CDK19: variants seen among roughly 807,000 people sequenced by gnomAD.
The protein encoded by CDK19 is cyclin-dependent kinase 19.
In CDK19, 20 loss-of-function variants were observed where a neutral mutation model predicts 68.3. The ratio of observed to expected loss-of-function variants is 0.29; its 90% confidence interval spans 0.21 to 0.43. CDK19 has a LOEUF of 0.43. Ranked by LOEUF, CDK19 falls within the 20% of genes least tolerant of loss-of-function variation. CDK19 has a pLI of 1.00. For missense variants in CDK19, 339 were observed against 623.5 expected (o/e 0.54, Z 4.86); for synonymous variants, 221 against 222.8 (o/e 0.99, Z 0.07).
At chr6:110,637,020 C>G (rs954404014) in intron 5 of CDK19, among the ~76,000 whole-genome samples, 3 of 152,230 alleles carry the variant, frequency 2.0e-5, no homozygotes, top group African/African-American at 7.2e-5. Context: ...TATCACTAGG[C>G]AGGGATGTTT....
chr6:110,614,876 A>G (rs1778212193), intron 12 of CDK19, among the ~76,000 whole-genome samples: 1 of 152,168 alleles, frequency 6.6e-6, no homozygotes, highest in Non-Finnish European at 1.5e-5. Flanking sequence ...GGCAGGCATG[A>G]AATTTGGCTA....
chr6:110,814,466 G>A (rs1783407652), intron 1 of CDK19: 1 of 369,694 alleles, frequency 2.7e-6, no homozygotes, highest in Non-Finnish European at 5.2e-6. Context: ...CCGAAGGGCG[G>A]AGATCGCTGC....
intron 2 of CDK19, among the ~76,000 whole-genome samples, chr6:110,737,797 A>G (rs890952677): frequency 2.6e-5 from 4 of 152,206 alleles, no homozygotes; most frequent in Non-Finnish European, 5.9e-5. Context: ...TGAGAAAAAT[A>G]TTAACTATCA....
At chr6:110,700,312 A>G (rs1397088757) in intron 2 of CDK19, among the ~76,000 whole-genome samples, 2 of 152,244 alleles carry the variant, frequency 1.3e-5, no homozygotes, top group African/African-American at 4.8e-5. Context: ...TAATAAATGT[A>G]ATGTGTTTGA....
intron 1 of CDK19, among the ~76,000 whole-genome samples, chr6:110,764,499 T>C (rs985206979): frequency 3.3e-5 from 5 of 151,978 alleles, no homozygotes; most frequent in Non-Finnish European, 7.4e-5. Flanking sequence ...GGAACAGCAA[T>C]GGAGAAAGAA....
At chr6:110,641,881 C>A (rs557802480) in intron 4 of CDK19, among the ~76,000 whole-genome samples, 63 of 152,230 alleles carry the variant, frequency 4.1e-4, no homozygotes, top group Middle Eastern at 3.4e-3. Flanking sequence ...TGGAACCCTA[C>A]AGGTAAGGAC....
chr6:110,614,453 C>T lies in CDK19; in HGVS notation c.*82G>A, dbSNP rs1283103742. ...GAGTTTTAAATGGCATCATAGTTTG[C>T]ATTTTTTTGGTTCTTTTCAATGCAG... is the stretch of plus-strand genomic sequence containing the variant. On this transcript the variant is annotated 3_prime_UTR_variant, in exon 13 of 13. Transcript: ENST00000368911. 6 of 1,406,766 alleles carry T rather than the reference C, an allele frequency of 4.3e-6. No homozygotes were observed. The highest frequency in any genetic ancestry group is 2.9e-5 in the African/African-American group (2 of 70,116). The allele number at this position is 1,406,766 out of a possible 1,614,324, so 87.1% of individuals were successfully genotyped here.
intron 8 of CDK19, 111 bp downstream of exon 8, chr6:110,626,665 T>G: frequency 1.5e-6 from 1 of 665,968 alleles, no homozygotes; most frequent in South Asian, 2.4e-5. Context: ...CCTTGGACTT[T>G]CCAGCCTCAA....
At chr6:110,619,766 T>C (rs1291057729) in intron 12 of CDK19, among the ~76,000 whole-genome samples, 2 of 152,036 alleles carry the variant, frequency 1.3e-5, no homozygotes, top group East Asian at 3.9e-4. Flanking sequence ...CCTCTCCACT[T>C]GTCATGTAGG....
chr6:110,646,061 A>T, intron 4 of CDK19: 1 of 877,856 alleles, frequency 1.1e-6, no homozygotes, highest in Non-Finnish European at 1.8e-6. Context: ...CTTTGTTGCC[A>T]GGCATGGGCG....
At chr6:110,668,116 AAAT>A (rs1442501308) in intron 3 of CDK19, among the ~76,000 whole-genome samples, 3 of 152,214 alleles carry the variant, frequency 2.0e-5, no homozygotes, top group African/African-American at 7.2e-5. Flanking sequence ...GATCCCATTG[AAAT>A]AAATACAACT....
rs1158895929 is a variant in CDK19 at position 110,613,520 on chromosome 6, G to C, written c.*1015C>G. ...TTCAGGCTTCTACTTGAGTAACCTTGATTATGCAAGAAAGTTACTCACGCA... is the reference window on the plus strand; with the variant it reads ...TTCAGGCTTCTACTTGAGTAACCTTCATTATGCAAGAAAGTTACTCACGCA... On this transcript the variant is annotated 3_prime_UTR_variant, in exon 13 of 13. Coordinates refer to ENST00000368911, the MANE Select transcript of CDK19 (RefSeq NM_015076.5). 6.6e-6 allele frequency: 1 copy of C among 152,484 alleles called. No homozygotes were observed. Among genetic ancestry groups the C allele is most frequent in the Admixed American group, 6.5e-5 (1 of 15,268 alleles). 9.4% of individuals were successfully genotyped at this position (152,484 alleles called of 1,614,324 possible).
chr6:110,686,148 C>T (rs1467855164), intron 2 of CDK19, among the ~76,000 whole-genome samples: 1 of 152,110 alleles, frequency 6.6e-6, no homozygotes. Flanking sequence ...CACTGAGAGC[C>T]TTGGGGACTT....
At chr6:110,677,122 ACTT>A (rs1227227799) in intron 2 of CDK19, among the ~76,000 whole-genome samples, 8 of 152,204 alleles carry the variant, frequency 5.3e-5, no homozygotes, top group African/African-American at 1.7e-4. Context: ...CTATTTTGTT[ACTT>A]CTTCTAATTC....
chr6:110,646,223 G>T (rs1780563695), intron 4 of CDK19: 2 of 1,456,044 alleles, frequency 1.4e-6, no homozygotes. Flanking sequence ...GGTCCGACGC[G>T]CAGGAGCTGC....
At chr6:110,805,243 G>C (rs966560063) in intron 1 of CDK19, among the ~76,000 whole-genome samples, 1 of 151,886 alleles carries the variant, frequency 6.6e-6, no homozygotes, top group Non-Finnish European at 1.5e-5. Context: ...GATACTACTG[G>C]TTTTAAAGAA....
At chr6:110,814,773 CGG>C in intron 1 of CDK19, 1 of 662,736 alleles carries the variant, frequency 1.5e-6, no homozygotes, top group Non-Finnish European at 2.8e-6. Context: ...CCCTCTGGGA[CGG>C]GACCGACGCC....
chr6:110,721,611 T>C (rs757442563), intron 2 of CDK19, among the ~76,000 whole-genome samples: 1 of 152,154 alleles, frequency 6.6e-6, no homozygotes, highest in Non-Finnish European at 1.5e-5. Flanking sequence ...TTGCTTCCAT[T>C]AATAAAACCC....
At chr6:110,740,243 G>T (rs1272916936) in intron 2 of CDK19, among the ~76,000 whole-genome samples, 2 of 152,062 alleles carry the variant, frequency 1.3e-5, no homozygotes, top group Non-Finnish European at 2.9e-5. Flanking sequence ...CAAATTAATG[G>T]TTGAATTAAT....
Sources: allele counts gnomAD v4.1 joint callset (sites outside exome capture counted in the v4.1 genomes callset), GRCh38; gene constraint gnomAD v4.1.1; transcripts MANE v1.5; gene names NCBI Gene and HGNC (gene_info 2026-07-23, HGNC 2026-07-21).